COPA: variants seen among roughly 807,000 people sequenced by gnomAD.
COPA encodes coatomer subunit alpha.
COPA carries 10 observed loss-of-function variants against 158.7 expected under a neutral mutation model. The observed-to-expected ratio is 0.06, with a 90% confidence interval of 0.04 to 0.11. COPA has a LOEUF of 0.11. Ranked by LOEUF, COPA falls within the 10% of genes least tolerant of loss-of-function variation. COPA has a pLI of 1.00. For missense variants in COPA, 1,065 were observed against 1,536.7 expected (o/e 0.69, Z 5.13); for synonymous variants, 462 against 542.8 (o/e 0.85, Z 2.07).
In COPA at chr1:160,340,271, G is replaced by T. The variant is rs1248657045; in HGVS notation, c.64C>A (p.Pro22Thr). 2 of 1,613,102 alleles carry T rather than the reference G, an allele frequency of 1.2e-6. No individual in the cohort carries two copies. The highest frequency in any genetic ancestry group is 1.1e-5 in the South Asian group (1 of 91,070). ...TTATGTAAACTAGTCAGGATCCAAG[G>T]TCTTTTGGGGTGAAAGCTGAGCCCT... ...VKGLSFHPKR[P>T]WILTSLHNGV... Residue 22 changes from proline (P) to threonine (T), a missense_variant, in exon 2 of 33, where the codon CCT becomes ACT. Pro to Thr is a conservative substitution (Grantham distance 38, BLOSUM62 -1). Transcript: ENST00000241704.
rs761648511 is a variant in COPA, at chr1:160,305,719, G to A, written c.1497C>T (p.Asp499=). Residue 499 remains aspartate (D), a synonymous_variant, in exon 16 of 33, where the codon GAC becomes GAT. Coordinates refer to ENST00000241704, the MANE Select transcript of COPA (RefSeq NM_004371.4). ...TGGCTAGTAGTGCTACATGTGACAT[G>A]TCTGCTGACCAGATAACGTATTTCA... ...SKVKYVIWSA[D]MSHVALLAKH... 1.9e-6 allele frequency: 3 copies of A among 1,614,190 alleles called. No individual in the cohort carries two copies. Among genetic ancestry groups the A allele is most frequent in the Non-Finnish European group, 2.5e-6 (3 of 1,180,022 alleles).
At chr1:160,310,371 C>A in intron 11 of COPA, 113 bp from the exon 12 acceptor site, 1 of 513,584 alleles carries the variant, frequency 1.9e-6, no homozygotes, top group Non-Finnish European at 3.5e-6. Flanking sequence ...ATATACTCAT[C>A]ACTTTTATAA....
At chr1:160,306,962 G>A (rs1377425897) in intron 14 of COPA, among the ~76,000 whole-genome samples, 1 of 152,160 alleles carries the variant, frequency 6.6e-6, no homozygotes, top group Non-Finnish European at 1.5e-5. Flanking sequence ...GAGCCACGGC[G>A]ATCATCAACC....
intron 8 of COPA, among the ~76,000 whole-genome samples, chr1:160,319,041 T>C (rs1377082673): frequency 7.9e-5 from 12 of 151,968 alleles, no homozygotes; most frequent in Non-Finnish European, 1.8e-4. Context: ...TGCTTATCAA[T>C]AATATCACTG....
intron 10 of COPA, 100 bp downstream of exon 10, chr1:160,312,985 T>G (rs1361807293): frequency 1.9e-6 from 2 of 1,054,878 alleles, no homozygotes; most frequent in African/African-American, 3.2e-5. Context: ...CTTCTTCTTG[T>G]CATCCTACTA....
intron 8 of COPA, among the ~76,000 whole-genome samples, chr1:160,320,640 C>T (rs1389638259): frequency 1.8e-5 from 2 of 108,564 alleles, no homozygotes; most frequent in Non-Finnish European, 3.8e-5. Context: ...AAAGATTGAA[C>T]CACGATAAAA....
At chr1:160,294,346 C>T in intron 25 of COPA, 138 bp downstream of exon 25, 1 of 709,304 alleles carries the variant, frequency 1.4e-6, no homozygotes, top group Non-Finnish European at 2.4e-6. Flanking sequence ...GTCTAGTCCC[C>T]TTCCCAGAAG....
At chr1:160,304,766 G>T (rs1390766906) in intron 17 of COPA, among the ~76,000 whole-genome samples, 1 of 152,142 alleles carries the variant, frequency 6.6e-6, no homozygotes, top group Non-Finnish European at 1.5e-5. Flanking sequence ...GTATGTACAT[G>T]TACCCCAGAA....
At chr1:160,318,477 AAAAAAAAAAAAAAAC>A (rs1220076350) in intron 8 of COPA, among the ~76,000 whole-genome samples, 52 of 76,456 alleles carry the variant, frequency 6.8e-4, no homozygotes, top group African/African-American at 3.2e-3. Context: ...GTAAAAAAAA[AAAAAAAAAAAAAAAC>A]AAAAAAAAAA....
intron 11 of COPA, among the ~76,000 whole-genome samples, chr1:160,311,322 C>T (rs1658959372): frequency 6.6e-6 from 1 of 152,036 alleles, no homozygotes; most frequent in Non-Finnish European, 1.5e-5. Flanking sequence ...CCTGTAATCC[C>T]AGCTACTTGG....
chr1:160,319,768 G>C (rs775142341), intron 8 of COPA, among the ~76,000 whole-genome samples: 43 of 151,834 alleles, frequency 2.8e-4, no homozygotes, highest in Non-Finnish European at 4.3e-4. Context: ...ACATGTTCCT[G>C]AAAGACTAAT....
rs1658121906 is a variant in COPA, at chr1:160,288,921, ACAG to A, written c.*1233_*1235del. On this transcript the variant is annotated 3_prime_UTR_variant, in exon 33 of 33. Transcript: ENST00000241704. ...GAGCTACTTGCTTTCTATCATTTTC[ACAG>A]CAGTTTAGGTCCTCATATATACCCT... 6.6e-6 allele frequency among the ~76,000 whole-genome samples: 1 copy of A among 152,210 alleles called. No individual in the cohort carries two copies. The highest frequency in any genetic ancestry group is 2.4e-5 in the African/African-American group (1 of 41,458).
chr1:160,314,827 G>A (rs1276001876), intron 8 of COPA, among the ~76,000 whole-genome samples: 1 of 151,982 alleles, frequency 6.6e-6, no homozygotes, highest in Non-Finnish European at 1.5e-5. Flanking sequence ...AGTCACCGCT[G>A]TATCTCCAGA....
At chr1:160,321,765 G>A (rs559830333) in intron 8 of COPA, among the ~76,000 whole-genome samples, 2 of 152,238 alleles carry the variant, frequency 1.3e-5, no homozygotes, top group South Asian at 4.2e-4. Context: ...TCCAGCCTGG[G>A]CAATAGAGCG....
At chr1:160,306,070 T>C (rs1658777164) in intron 15 of COPA, 1 of 569,202 alleles carries the variant, frequency 1.8e-6, no homozygotes, top group Admixed American at 3.2e-5. Flanking sequence ...GTAGGAACTA[T>C]GTTATTAATC....
At chr1:160,306,243 A>G in intron 15 of COPA, 111 bp downstream of exon 15, 3 of 1,269,444 alleles carry the variant, frequency 2.4e-6, no homozygotes, top group Admixed American at 4.8e-5. Flanking sequence ...TTGGAGCACA[A>G]GAAGTGGCCA....
chr1:160,306,365 T>C lies in COPA; in HGVS notation c.1431A>G (p.Val477=), dbSNP rs1571159138. 5 of 1,606,790 alleles carry C rather than the reference T, an allele frequency of 3.1e-6. No homozygotes were observed. Among genetic ancestry groups the C allele is most frequent in the Non-Finnish European group, 4.3e-6 (5 of 1,176,052 alleles). Residue 477 remains valine, a synonymous_variant, in exon 15 of 33, where the codon GTA becomes GTG. Transcript: ENST00000241704. ...ACCTGATATGTTACCGCTTCTGCTG[T>C]ACGTCAAAGAGTGTGATAGAGTCCG... ...RDADSITLFD[V]QQKRTLASVK... is the part of the protein sequence containing the mutation.
Position 160,291,405 on chromosome 1 carries a change from T to G in COPA, c.3350A>C (p.Asn1117Thr). The change falls in exon 31 of 33, where the codon AAC becomes ACC. Residue 1117 changes from asparagine (N) to threonine (T), a missense_variant. This residue lies in a region of COPA where 980 missense variants were observed against 1,357.8 expected (regional missense o/e 0.72). Transcript: ENST00000241704. ...TALNLFFKLK[N>T]FKTAATFARR... Reference sequence around the variant, plus strand: ...AGCAAAGGTGGCAGCTGTCTTGAAGTTCTTGAGCTTGAAGAACAGATTGAG... The same window carrying G: ...AGCAAAGGTGGCAGCTGTCTTGAAGGTCTTGAGCTTGAAGAACAGATTGAG... 6.2e-7 allele frequency: 1 copy of G among 1,614,064 alleles called. No homozygotes were observed. Among genetic ancestry groups the G allele is most frequent in the Non-Finnish European group, 8.5e-7 (1 of 1,180,002 alleles).
Position 160,295,834 on chromosome 1 carries a change from T to C in COPA, c.2378A>G (p.Lys793Arg), listed in dbSNP as rs201804449. 8.4e-5 allele frequency: 136 copies of C among 1,612,702 alleles called. No homozygotes were observed. In the East Asian group the frequency reaches 2.9e-3, roughly 35 times the overall value. Residue 793 changes from lysine (K) to arginine (R), a missense_variant, in exon 23 of 33, where the codon AAG becomes AGG. Physicochemically the swap from Lys to Arg is conservative, Grantham distance 26. Coordinates refer to ENST00000241704, the MANE Select transcript of COPA (RefSeq NM_004371.4). Reference protein sequence around the residue: ...ETIPDIDPNAKLLQPPAPIMP... With the variant: ...ETIPDIDPNARLLQPPAPIMP... The stretch of plus-strand genomic sequence containing the variant: ...GATAGGTGCAGGTGGCTGGAGCAGC[T>C]TGGCATTAGGGTCAATGTCTGGGAT...
Sources: gnomAD v4.1 joint callset for allele counts (sites outside exome capture counted in the v4.1 genomes callset) on GRCh38, gnomAD v4.1.1 for gene constraint, gnomAD v4.1.1 regional missense constraint, MANE v1.5 for transcripts, NCBI Gene and HGNC (gene_info 2026-07-23, HGNC 2026-07-21) for gene names.